PDGFRL: variants seen among roughly 807,000 people sequenced by gnomAD.
PDGFRL encodes the protein platelet derived growth factor receptor like.
PDGFRL carries 46 observed loss-of-function variants against 37.2 expected under a neutral mutation model. That is an observed-to-expected ratio of 1.24 (90% CI 0.98 to 1.58). PDGFRL has a LOEUF of 1.58. Ranked by LOEUF, PDGFRL falls within the 40% of genes most tolerant of loss-of-function variation. The pLI is 0.00. For synonymous variants in PDGFRL, 251 were observed against 184.3 expected, an observed-to-expected ratio of 1.36 and a Z score of -2.93; for missense variants, 692 against 467.6, an observed-to-expected ratio of 1.48 and a Z score of -4.43.
At chr8:17,607,847 A>G (rs1328636874) in intron 2 of PDGFRL, among the ~76,000 whole-genome samples, 1 of 152,266 alleles carries the variant, frequency 6.6e-6, no homozygotes, top group Non-Finnish European at 1.5e-5. Flanking sequence ...GATAAGATGT[A>G]AAATGGGAAA....
chr8:17,640,151 A>C lies in PDGFRL; in HGVS notation c.940-2462A>C, dbSNP rs552284914. ...ATTATGATTGTTTTCTATTTTTGCT[A>C]TCTATTTCACTGAAGATTTTTCCCT... On this transcript the variant is annotated intron_variant, in intron 5 of 5. Coordinates refer to ENST00000251630, the MANE Select transcript of PDGFRL (RefSeq NM_001372073.1). Among the ~76,000 whole-genome samples the C allele has an allele frequency of 2.6e-5, 4 of 152,102 alleles. No individual in the cohort carries two copies. In the South Asian group the frequency reaches 8.3e-4, roughly 32 times the overall value.
At chr8:17,589,911 C>T (rs1383072194) in intron 2 of PDGFRL, 146 bp downstream of exon 2, 2 of 609,822 alleles carry the variant, frequency 3.3e-6, no homozygotes, top group East Asian at 5.7e-5. Flanking sequence ...GGGCAAAAGT[C>T]ACAGATTTTA....
chr8:17,633,813 G>A (rs1804909750), intron 4 of PDGFRL, among the ~76,000 whole-genome samples: 1 of 152,048 alleles, frequency 6.6e-6, no homozygotes, highest in African/African-American at 2.4e-5. Context: ...ATGGACCTCT[G>A]AGCTTCCTCT....
At chr8:17,577,654 C>T (rs1803616084) in intron 1 of PDGFRL, among the ~76,000 whole-genome samples, 1 of 151,842 alleles carries the variant, frequency 6.6e-6, no homozygotes, top group Non-Finnish European at 1.5e-5. Context: ...GGGGCGGGAG[C>T]CTCGGATCGC....
chr8:17,576,698 T>A (rs559903046), upstream of PDGFRL: 1 of 985,302 alleles, frequency 1.0e-6, no homozygotes, highest in East Asian at 1.1e-4. Context: ...CAGGGCTGGG[T>A]GCGGAGACCA....
intron 3 of PDGFRL, among the ~76,000 whole-genome samples, 182 bp downstream of exon 3, chr8:17,621,384 G>A (rs183096491): frequency 1.0e-3 from 155 of 151,182 alleles, no homozygotes; most frequent in African/African-American, 3.6e-3. Context: ...ACCCTTCAGG[G>A]CAAATACTAA....
chr8:17,629,446 T>C (rs1231239628), intron 4 of PDGFRL, among the ~76,000 whole-genome samples: 1 of 152,172 alleles, frequency 6.6e-6, no homozygotes, highest in Non-Finnish European at 1.5e-5. Flanking sequence ...AACCCAAATC[T>C]GCTGTCTCCT....
At chr8:17,617,838 T>A (rs1023709456) in intron 2 of PDGFRL, among the ~76,000 whole-genome samples, 1 of 152,132 alleles carries the variant, frequency 6.6e-6, no homozygotes, top group African/African-American at 2.4e-5. Flanking sequence ...TTTCTATCAC[T>A]ACAGTGCTAG....
chr8:17,587,617 C>T (rs1803844187), intron 1 of PDGFRL, among the ~76,000 whole-genome samples: 1 of 152,000 alleles, frequency 6.6e-6, no homozygotes, highest in Non-Finnish European at 1.5e-5. Flanking sequence ...AATCATAGCT[C>T]ATCATAAACT....
intron 2 of PDGFRL, among the ~76,000 whole-genome samples, chr8:17,612,710 T>A (rs1804446842): frequency 6.6e-6 from 1 of 152,104 alleles, no homozygotes; most frequent in Non-Finnish European, 1.5e-5. Flanking sequence ...ACATACTTAT[T>A]TGATCTAGAA....
At chr8:17,602,083 G>A (rs894492660) in intron 2 of PDGFRL, among the ~76,000 whole-genome samples, 1 of 152,204 alleles carries the variant, frequency 6.6e-6, no homozygotes, top group Non-Finnish European at 1.5e-5. Context: ...CCCACCTGCA[G>A]TATGTAAACT....
chr8:17,630,757 T>G (rs1366503757), intron 4 of PDGFRL, among the ~76,000 whole-genome samples: 1 of 152,152 alleles, frequency 6.6e-6, no homozygotes, highest in Non-Finnish European at 1.5e-5. Context: ...TGTTGTCTGT[T>G]AGCCTGATGG....
Position 17,608,759 on chromosome 8 carries a change from C to T in PDGFRL, c.354-12292C>T, listed in dbSNP as rs531629814. On this transcript the variant is annotated intron_variant, in intron 2 of 5. Transcript: ENST00000251630. ...AGACAAACCAGATACAAGGACAGAG[C>T]AACAGAAGACAGTGTGTGGTCAAGT... 9.2e-5 allele frequency among the ~76,000 whole-genome samples: 14 copies of T among 152,292 alleles called. No individual in the cohort carries two copies. The South Asian group carries it at 1.2e-3, about 14-fold the overall frequency.
At chr8:17,627,564 G>C (rs551834938) in intron 3 of PDGFRL, among the ~76,000 whole-genome samples, 1 of 151,374 alleles carries the variant, frequency 6.6e-6, no homozygotes, top group African/African-American at 2.4e-5. Flanking sequence ...CTGCCTCCTG[G>C]GTTCAAGCAA....
At chr8:17,596,002 T>C (rs1185350022) in intron 2 of PDGFRL, among the ~76,000 whole-genome samples, 2 of 152,174 alleles carry the variant, frequency 1.3e-5, no homozygotes, top group East Asian at 3.9e-4. Context: ...TACTGGCAGA[T>C]GGGGCCGTTG....
chr8:17,581,212 C>T (rs1418289763), intron 1 of PDGFRL, among the ~76,000 whole-genome samples: 1 of 152,024 alleles, frequency 6.6e-6, no homozygotes, highest in African/African-American at 2.4e-5. Flanking sequence ...CATAAGCCTG[C>T]CTGAAACAAG....
At chr8:17,611,442 C>T (rs922011454) in intron 2 of PDGFRL, among the ~76,000 whole-genome samples, 5 of 152,212 alleles carry the variant, frequency 3.3e-5, no homozygotes, top group Non-Finnish European at 7.3e-5. Flanking sequence ...CTCCTGAGTG[C>T]ATGCTCTTAA....
At chr8:17,597,689 T>C (rs1804084005) in intron 2 of PDGFRL, among the ~76,000 whole-genome samples, 1 of 152,084 alleles carries the variant, frequency 6.6e-6, no homozygotes, top group South Asian at 2.1e-4. Context: ...GGCACCCAAA[T>C]ATAATTTGGC....
chr8:17,614,077 T>C (rs922418487), intron 2 of PDGFRL, among the ~76,000 whole-genome samples: 3 of 152,100 alleles, frequency 2.0e-5, no homozygotes, highest in African/African-American at 7.2e-5. Flanking sequence ...AACAGACAGA[T>C]TGACAGATGA....
Sources: allele counts gnomAD v4.1 joint callset (sites outside exome capture counted in the v4.1 genomes callset), GRCh38; gene constraint gnomAD v4.1.1; transcripts MANE v1.5; gene names NCBI Gene and HGNC (gene_info 2026-07-23, HGNC 2026-07-21).